UBE2H: variants seen among roughly 807,000 people sequenced by gnomAD.
The protein encoded by UBE2H is ubiquitin-conjugating enzyme E2 H.
A neutral mutation model predicts 29.0 loss-of-function variants in UBE2H; 3 were observed. The observed-to-expected ratio is 0.10, with a 90% CI of 0.05 to 0.27. The LOEUF (loss-of-function observed/expected upper bound fraction) is 0.27. Among genes scored for constraint, UBE2H ranks in the 10% least tolerant of loss-of-function variants. UBE2H has a pLI of 1.00. For missense variants in UBE2H, 68 were observed against 228.2 expected (o/e 0.30, Z 4.52); for synonymous variants, 69 against 82.9 (o/e 0.83, Z 0.91).
chr7:129,933,126 T>C (rs1807443615), intron 1 of UBE2H, among the ~76,000 whole-genome samples: 1 of 152,228 alleles, frequency 6.6e-6, no homozygotes, highest in Non-Finnish European at 1.5e-5. Flanking sequence ...CTGGTTTAAG[T>C]ATCTTTCCTA....
intron 1 of UBE2H, among the ~76,000 whole-genome samples, chr7:129,912,644 T>C (rs913894029): frequency 6.6e-6 from 1 of 152,226 alleles, no homozygotes; most frequent in Non-Finnish European, 1.5e-5. Flanking sequence ...TTGTGTTACG[T>C]AGGTGCTCAA....
At chr7:129,852,241 T>C (rs144347904) in intron 5 of UBE2H, among the ~76,000 whole-genome samples, 37 of 152,354 alleles carry the variant, frequency 2.4e-4, no homozygotes, top group African/African-American at 5.0e-4. Context: ...ATCTGAATTA[T>C]TTGGGAAGAT....
intron 5 of UBE2H, among the ~76,000 whole-genome samples, chr7:129,843,231 C>A (rs1805457839): frequency 6.6e-6 from 1 of 152,016 alleles, no homozygotes; most frequent in Non-Finnish European, 1.5e-5. Flanking sequence ...GATCTCCTGA[C>A]CTCGTGATCT....
At chr7:129,886,996 T>TGAATCCTATGTTAATGATC (rs1262484715) in intron 1 of UBE2H, among the ~76,000 whole-genome samples, 1 of 152,136 alleles carries the variant, frequency 6.6e-6, no homozygotes, top group Non-Finnish European at 1.5e-5. Flanking sequence ...CGTTAATGAT[T>TGAATCCTATGTTAATGATC]GAATCCTATG....
intron 1 of UBE2H, among the ~76,000 whole-genome samples, chr7:129,918,978 G>A (rs1807099281): frequency 6.6e-6 from 1 of 151,928 alleles, no homozygotes; most frequent in Admixed American, 6.6e-5. Context: ...CAGCTACTGA[G>A]GTGGCTGAGG....
At chr7:129,909,816 A>G (rs568038639) in intron 1 of UBE2H, among the ~76,000 whole-genome samples, 1 of 152,328 alleles carries the variant, frequency 6.6e-6, no homozygotes, top group Admixed American at 6.5e-5. Context: ...TCTAGGGACA[A>G]AGAGATAAGA....
chr7:129,926,735 C>G (rs1807277496), intron 1 of UBE2H, among the ~76,000 whole-genome samples: 1 of 151,440 alleles, frequency 6.6e-6, no homozygotes, highest in Non-Finnish European at 1.5e-5. Flanking sequence ...AATTCTTTAC[C>G]AAGAGTCCTC....
intron 1 of UBE2H, among the ~76,000 whole-genome samples, chr7:129,910,243 C>T (rs1436403456): frequency 1.3e-5 from 2 of 151,668 alleles, no homozygotes; most frequent in Non-Finnish European, 2.9e-5. Flanking sequence ...GCAGGAGAGT[C>T]GCTTGAACCC....
intron 5 of UBE2H, among the ~76,000 whole-genome samples, chr7:129,841,071 A>G (rs1325451020): frequency 6.6e-6 from 1 of 152,232 alleles, no homozygotes; most frequent in Non-Finnish European, 1.5e-5. Flanking sequence ...TATCTAGACC[A>G]AAATGTCAGC....
chr7:129,899,659 G>A lies in UBE2H; in HGVS notation c.54-18688C>T, dbSNP rs542932873. ...TTTCATCAACTATCTCAAAGAGAAG[G>A]CTAATCAATTAAATCTCACCTAACG... On this transcript the variant is annotated intron_variant, in intron 1 of 6. Coordinates refer to ENST00000355621, the MANE Select transcript of UBE2H (RefSeq NM_003344.4). Among the ~76,000 whole-genome samples the A allele has an allele frequency of 8.5e-5, 13 of 152,262 alleles. No individual in the cohort carries two copies. In the South Asian group the frequency reaches 2.5e-3, roughly 29 times the overall value.
intron 1 of UBE2H, among the ~76,000 whole-genome samples, chr7:129,884,301 C>T (rs1447351907): frequency 6.6e-6 from 1 of 151,252 alleles, no homozygotes; most frequent in Non-Finnish European, 1.5e-5. Flanking sequence ...CCTGTAGTCC[C>T]AGCTACTTGG....
At chr7:129,930,849 A>G (rs1214885238) in intron 1 of UBE2H, among the ~76,000 whole-genome samples, 1 of 135,822 alleles carries the variant, frequency 7.4e-6, no homozygotes, top group Non-Finnish European at 1.5e-5. Flanking sequence ...CAGGGGTTGC[A>G]GTGAGCCGAG....
Position 129,832,619 on chromosome 7 carries a change from G to A in UBE2H, c.*2318C>T, listed in dbSNP as rs1428046192. The A allele has an allele frequency of 6.6e-6, 1 of 152,172 alleles. No homozygotes were observed. Among genetic ancestry groups the A allele is most frequent in the Non-Finnish European group, 1.5e-5 (1 of 68,058 alleles). 9.4% of individuals were successfully genotyped at this position (152,172 alleles called of 1,614,324 possible). On this transcript the variant is annotated 3_prime_UTR_variant, in exon 7 of 7. Coordinates refer to ENST00000355621, the MANE Select transcript of UBE2H (RefSeq NM_003344.4). The stretch of plus-strand genomic sequence containing the variant: ...GTGCTGGGGCTCTGGTCAGAGGCGA[G>A]CCAATGTCTTATCATTAGAGAGATG...
rs1337600084 is a variant in UBE2H at position 129,944,118 on chromosome 7, A to G, written c.53+8385T>C. On this transcript the variant is annotated intron_variant, in intron 1 of 6. Transcript: ENST00000355621. ...ATGCCTGTAATCCCAGCACTTTGGGAGGCCACGGTGGGCAGATCATGAGGT... is the reference window on the plus strand; with the variant it reads ...ATGCCTGTAATCCCAGCACTTTGGGGGGCCACGGTGGGCAGATCATGAGGT... Among the ~76,000 whole-genome samples, 3 of 115,816 alleles carry G rather than the reference A, an allele frequency of 2.6e-5. No homozygotes were observed. The East Asian group carries it at 1.2e-3, about 47-fold the overall frequency. 76.0% of individuals were successfully genotyped at this position (115,816 alleles called of 152,430 possible).
intron 1 of UBE2H, among the ~76,000 whole-genome samples, chr7:129,924,168 T>TA (rs550104492): frequency 5.1e-4 from 78 of 152,290 alleles, no homozygotes; most frequent in African/African-American, 1.8e-3. Flanking sequence ...GCCTGGGAGT[T>TA]AGAGATCAGC....
At chr7:129,854,060 G>GTTTTTTTTTTTT (rs56362841) in intron 5 of UBE2H, among the ~76,000 whole-genome samples, 1 of 100,282 alleles carries the variant, frequency 1.0e-5, no homozygotes, top group African/African-American at 4.0e-5. Context: ...TTTAGTGTTA[G>GTTTTTTTTTTTT]TTTTTTTTTT....
At chr7:129,936,087 T>C (rs913266064) in intron 1 of UBE2H, among the ~76,000 whole-genome samples, 2 of 152,248 alleles carry the variant, frequency 1.3e-5, no homozygotes, top group African/African-American at 2.4e-5. Context: ...CTAAAATCTA[T>C]GACTCTAATA....
intron 1 of UBE2H, among the ~76,000 whole-genome samples, chr7:129,924,959 A>G (rs1467366763): frequency 1.3e-5 from 2 of 152,188 alleles, no homozygotes; most frequent in African/African-American, 4.8e-5. Context: ...AATAAAAAAA[A>G]AAAAGTTTAA....
intron 1 of UBE2H, among the ~76,000 whole-genome samples, chr7:129,926,209 G>T (rs2116480889): frequency 6.6e-6 from 1 of 152,208 alleles, no homozygotes; most frequent in East Asian, 1.9e-4. Context: ...GCCCAGGCTG[G>T]TCTGAAACTC....
Sources: gnomAD v4.1 joint callset for allele counts (sites outside exome capture counted in the v4.1 genomes callset) on GRCh38, gnomAD v4.1.1 for gene constraint, MANE v1.5 for transcripts, NCBI Gene and HGNC (gene_info 2026-07-23, HGNC 2026-07-21) for gene names.